ARAP2: variants seen among roughly 807,000 people sequenced by gnomAD.
ARAP2 encodes arf-GAP with Rho-GAP domain, ANK repeat and PH domain-containing protein 2.
ARAP2 carries 148 observed loss-of-function variants against 194.5 expected under a neutral mutation model. The ratio of observed to expected loss-of-function variants is 0.76; its 90% confidence interval spans 0.67 to 0.87. The LOEUF is 0.87. Among genes scored for constraint, ARAP2 ranks in the 40% least tolerant of loss-of-function variants. The pLI is 0.00. For synonymous variants in ARAP2, 695 were observed against 683.5 expected, an observed-to-expected ratio of 1.02 and a Z score of -0.26; for missense variants, 2,128 against 1,989.7, an observed-to-expected ratio of 1.07 and a Z score of -1.32.
rs370431861 is a variant in ARAP2 at position 36,190,982 on chromosome 4, A to C, written c.1557+2596T>G. 1.6e-4 allele frequency among the ~76,000 whole-genome samples: 24 copies of C among 152,358 alleles called. No homozygotes were observed. The East Asian group carries it at 3.9e-3, about 24-fold the overall frequency. ...AAGTGCTCTAGAAATTCAGAAGAGG[A>C]AGATAAACTCTTTCCATTGTCAGGC... On this transcript the variant is annotated intron_variant, in intron 7 of 32. Coordinates refer to ENST00000303965, the MANE Select transcript of ARAP2 (RefSeq NM_015230.4).
chr4:36,051,413 G>T lies in ARAP2; in HGVS notation n.369+593C>A, dbSNP rs192292512. Among the ~76,000 whole-genome samples the T allele has an allele frequency of 3.3e-5, 5 of 152,146 alleles. No individual in the cohort carries two copies. The East Asian group carries it at 9.7e-4, about 29-fold the overall frequency. On this transcript the variant is annotated intron_variant and non_coding_transcript_variant, in intron 3 of 12. Coordinates refer to the ARAP2 transcript ENST00000503225. ...AATCGCTTGAACCCGGGAGGCAGAG[G>T]TTACAATGAGTTGAAATCACACCAT...
chr4:36,127,991 C>T (rs563291722), intron 21 of ARAP2, among the ~76,000 whole-genome samples: 3 of 151,942 alleles, frequency 2.0e-5, no homozygotes, highest in Non-Finnish European at 4.4e-5. Flanking sequence ...ATTTAATAAA[C>T]TCCTTTTCTA....
downstream of ARAP2, among the ~76,000 whole-genome samples, chr4:36,063,197 T>C (rs1005047995): frequency 6.6e-6 from 1 of 152,174 alleles, no homozygotes; most frequent in African/African-American, 2.4e-5. Flanking sequence ...CAGCTATGTT[T>C]TGTTAAAGAT....
chr4:36,218,906 A>G (rs1748571733), intron 2 of ARAP2, among the ~76,000 whole-genome samples: 1 of 152,216 alleles, frequency 6.6e-6, no homozygotes, highest in Non-Finnish European at 1.5e-5. Flanking sequence ...CAAAACCAAA[A>G]TAGGTGAAAG....
intron 27 of ARAP2, among the ~76,000 whole-genome samples, chr4:36,096,320 G>C (rs1715224400): frequency 7.1e-6 from 1 of 140,942 alleles, no homozygotes; most frequent in African/African-American, 2.8e-5. Flanking sequence ...AGTCTAGATT[G>C]TGCCAGTGCA....
intron 8 of ARAP2, among the ~76,000 whole-genome samples, chr4:36,184,901 A>G (rs1226758213): frequency 2.0e-5 from 3 of 152,236 alleles, no homozygotes; most frequent in African/African-American, 4.8e-5. Flanking sequence ...TCTGATTTCA[A>G]ATGGAACTCT....
downstream of ARAP2, among the ~76,000 whole-genome samples, chr4:36,061,913 C>A (rs1724506528): frequency 2.0e-5 from 3 of 152,294 alleles, no homozygotes; most frequent in South Asian, 4.1e-4. Context: ...TGTTGAGCAT[C>A]TTTTCATCTT....
chr4:36,066,145 GA>G lies in ARAP2; in HGVS notation c.*1761del, dbSNP rs1433186793. 7 of 152,266 alleles carry G rather than the reference GA, an allele frequency of 4.6e-5. No individual in the cohort carries two copies. In the East Asian group the frequency reaches 1.3e-3, roughly 29 times the overall value. 9.4% of individuals were successfully genotyped at this position (152,266 alleles called of 1,614,324 possible). Reference sequence around the variant, plus strand: ...ATTAGAGTTTAAGCTCAAGTTTCAAGAAGAATTCAGATAAGGCAGGTAAAAA... The same window carrying G: ...ATTAGAGTTTAAGCTCAAGTTTCAAGAGAATTCAGATAAGGCAGGTAAAAA... On this transcript the variant is annotated 3_prime_UTR_variant, in exon 33 of 33. Transcript: ENST00000303965.
rs370885609 is a variant in ARAP2 at position 36,212,391 on chromosome 4, C to T, written c.1133+5G>A. On this transcript the variant is annotated splice_donor_5th_base_variant and intron_variant, in intron 5 of 32. Coordinates refer to ENST00000303965, the MANE Select transcript of ARAP2 (RefSeq NM_015230.4). ...AGTTAATCATCATCAATCATGATCT[C>T]ATACCTTGATTTGATGATAAAAGAG... 4.4e-6 allele frequency: 7 copies of T among 1,599,860 alleles called. No individual in the cohort carries two copies. Among genetic ancestry groups the T allele is most frequent in the Admixed American group, 1.7e-5 (1 of 59,866 alleles).
chr4:36,080,169 A>T (rs1282197429), intron 31 of ARAP2, 47 bp downstream of exon 31: 2 of 1,509,728 alleles, frequency 1.3e-6, no homozygotes, highest in Non-Finnish European at 1.8e-6. Context: ...CATTTCCTGT[A>T]AACAAAGTTA....
At chr4:36,204,340 A>T (rs571541611) in intron 6 of ARAP2, among the ~76,000 whole-genome samples, 2 of 152,352 alleles carry the variant, frequency 1.3e-5, no homozygotes, top group East Asian at 3.9e-4. Context: ...TTTCTAAAAC[A>T]TAATAAACCA....
intron 27 of ARAP2, among the ~76,000 whole-genome samples, 180 bp downstream of exon 27, chr4:36,107,385 C>A (rs1240876921): frequency 6.6e-6 from 1 of 152,038 alleles, no homozygotes; most frequent in African/African-American, 2.4e-5. Flanking sequence ...CACAGAGCAA[C>A]ACATTGGGAA....
intron 10 of ARAP2, among the ~76,000 whole-genome samples, chr4:36,165,988 C>G (rs1379315761): frequency 6.6e-6 from 1 of 152,126 alleles, no homozygotes; most frequent in East Asian, 1.9e-4. Flanking sequence ...TTCCATCACT[C>G]TCAGTGGTTT....
At chr4:36,035,486 T>C (rs147227940) in intron 5 of ARAP2, among the ~76,000 whole-genome samples, 68 of 152,290 alleles carry the variant, frequency 4.5e-4, no homozygotes, top group African/African-American at 1.5e-3. Context: ...GGTTCTAGGA[T>C]ATGTTTTCAC....
intron 16 of ARAP2, 47 bp downstream of exon 16, chr4:36,150,853 T>C (rs924750350): frequency 1.3e-6 from 2 of 1,567,808 alleles, no homozygotes; most frequent in Admixed American, 1.8e-5. Context: ...CTGTTATAAT[T>C]ATCTGAAAAT....
chr4:36,170,485 TA>T (rs1454451503), intron 9 of ARAP2, among the ~76,000 whole-genome samples: 2 of 152,146 alleles, frequency 1.3e-5, no homozygotes, highest in African/African-American at 4.8e-5. Context: ...AATCAGAACA[TA>T]CAAAAACCAA....
At chr4:36,031,131 G>C (rs2109363154) in intron 5 of ARAP2, among the ~76,000 whole-genome samples, 2 of 152,116 alleles carry the variant, frequency 1.3e-5, no homozygotes, top group South Asian at 4.2e-4. Flanking sequence ...TCGTCTCAAA[G>C]AAAAAATAAA....
chr4:36,193,706 A>T, intron 6 of ARAP2, 59 bp from the exon 7 acceptor site: 1 of 1,266,174 alleles, frequency 7.9e-7, no homozygotes, highest in Non-Finnish European at 1.1e-6. Context: ...AGATTGTTAA[A>T]TTCATTTGTA....
chr4:36,185,942 C>T (rs1193079205), intron 8 of ARAP2, among the ~76,000 whole-genome samples: 1 of 151,042 alleles, frequency 6.6e-6, no homozygotes, highest in Non-Finnish European at 1.5e-5. Flanking sequence ...TGCGCCATTG[C>T]ACTCAAGCTT....
Sources: gnomAD v4.1 joint callset for allele counts (sites outside exome capture counted in the v4.1 genomes callset) on GRCh38, gnomAD v4.1.1 for gene constraint, MANE v1.5 for transcripts, NCBI Gene and HGNC (gene_info 2026-07-23, HGNC 2026-07-21) for gene names.